Variants in NADK observed in about 807,000 individuals in gnomAD.
NADK encodes poly(P)/ATP NAD kinase.
Under a neutral mutation model 49.8 loss-of-function variants are expected in NADK, and 22 were observed. That is an observed-to-expected ratio of 0.44 (90% confidence interval 0.32 to 0.63). The LOEUF is 0.63. Among genes scored for constraint, NADK ranks in the 30% least tolerant of loss-of-function variants. The pLI, the probability that NADK is intolerant of heterozygous loss-of-function variation, is 0.06. For missense variants in NADK, 438 were observed against 609.4 expected (o/e 0.72, Z 2.96); for synonymous variants, 268 against 253.7 (o/e 1.06, Z -0.54).
intron 1 of NADK, among the ~76,000 whole-genome samples, chr1:1,777,275 G>C (rs1420015953): frequency 2.0e-5 from 3 of 152,182 alleles, no homozygotes; most frequent in African/African-American, 7.2e-5. Context: ...GAAGTTCCAA[G>C]GGGACAGGAA....
Position 1,765,350 on chromosome 1 carries a change from A to T in NADK, c.57T>A (p.Ala19=). 1.2e-6 allele frequency: 2 copies of T among 1,613,438 alleles called. No individual in the cohort carries two copies. The highest frequency in any genetic ancestry group is 1.7e-6 in the Non-Finnish European group (2 of 1,179,666). ...TMNKELSPDA[A]AYCCSACHGD... ...CGTGGCAGGCCGAGCAGCAGTAAGC[A>T]GCCGCGTCTGGACTCAATTCCTTAT... The change falls in exon 2 of 12, where the codon GCT becomes GCA. Residue 19 remains alanine (A), a synonymous_variant. Coordinates refer to ENST00000341426, the MANE Select transcript of NADK (RefSeq NM_023018.5).
chr1:1,759,264 C>A (rs1457330469), intron 3 of NADK: 6 of 1,553,526 alleles, frequency 3.9e-6, no homozygotes, highest in Non-Finnish European at 5.2e-6. Flanking sequence ...GGACACCAGC[C>A]CTTGCAGGCA....
intron 3 of NADK, among the ~76,000 whole-genome samples, chr1:1,760,385 G>A (rs576181120): frequency 6.6e-6 from 1 of 152,162 alleles, no homozygotes; most frequent in South Asian, 2.1e-4. Context: ...GCACGCTGCC[G>A]CGGGGCCCAC....
rs1326636292 is a variant in NADK, at chr1:1,751,750, CAG to C, written c.*1152_*1153del. On this transcript the variant is annotated 3_prime_UTR_variant, in exon 12 of 12. Coordinates refer to ENST00000341426, the MANE Select transcript of NADK (RefSeq NM_023018.5). The stretch of plus-strand genomic sequence containing the variant: ...TGAGGGCAACTTCGTGTGCAAAACT[CAG>C]AGAGCAGTTACTCAAAAAAAAGACA... The C allele has an allele frequency of 6.6e-5, 10 of 151,808 alleles. No homozygotes were observed. Among genetic ancestry groups the C allele is most frequent in the Non-Finnish European group, 1.2e-4 (8 of 68,120 alleles). 9.4% of individuals were successfully genotyped at this position (151,808 alleles called of 1,614,324 possible).
chr1:1,754,228 G>C lies in NADK; in HGVS notation c.944-20C>G. The stretch of plus-strand genomic sequence containing the variant: ...TCACTCCTGACAGGGACAGGCGCAG[G>C]CGTCACTCCCGCCCGAGGGACGCTC... On this transcript the variant is annotated intron_variant, in intron 9 of 11. Transcript: ENST00000341426. This position sits in a 1 kb window ranked among gnomAD's most constrained non-coding sequence, Gnocchi z 4.3. The C allele has an allele frequency of 6.2e-7, 1 of 1,613,070 alleles. No homozygotes were observed. The highest frequency in any genetic ancestry group is 8.5e-7 in the Non-Finnish European group (1 of 1,179,876).
chr1:1,773,347 C>G (rs569390840), intron 1 of NADK, among the ~76,000 whole-genome samples: 7 of 80,786 alleles, frequency 8.7e-5, no homozygotes, highest in African/African-American at 1.8e-4. Context: ...ACCATGTTGA[C>G]CAGGTTGGTC....
intron 1 of NADK, among the ~76,000 whole-genome samples, chr1:1,767,027 G>A (rs1457674119): frequency 6.6e-6 from 1 of 151,914 alleles, no homozygotes; most frequent in Non-Finnish European, 1.5e-5. Flanking sequence ...TGATTTTCCT[G>A]CTTCAGCCTC....
rs1645364732 is a variant in NADK, at chr1:1,752,761, G to A, written c.*143C>T. The A allele has an allele frequency of 3.1e-6, 3 of 965,518 alleles. No homozygotes were observed. The highest frequency in any genetic ancestry group is 1.7e-5 in the South Asian group (1 of 59,266). The allele number at this position is 965,518 out of a possible 1,614,324, so 59.8% of individuals were successfully genotyped here. The stretch of plus-strand genomic sequence containing the variant: ...AAAAAAACAGCTGATCTGGACAAAA[G>A]GCAGACCCAGGCTCTAACCCAGCTA... On this transcript the variant is annotated 3_prime_UTR_variant, in exon 12 of 12. Transcript: ENST00000341426.
chr1:1,752,750 T>G lies in NADK; in HGVS notation c.*154A>C. On this transcript the variant is annotated 3_prime_UTR_variant, in exon 12 of 12. Transcript: ENST00000341426. ...TCAGACATTTTAAAAAAACAGCTGATCTGGACAAAAGGCAGACCCAGGCTC... is the reference window on the plus strand; with the variant it reads ...TCAGACATTTTAAAAAAACAGCTGAGCTGGACAAAAGGCAGACCCAGGCTC... 1 of 846,188 alleles carries G rather than the reference T, an allele frequency of 1.2e-6. No homozygotes were observed. The highest frequency in any genetic ancestry group is 1.8e-6 in the Non-Finnish European group (1 of 552,780). The allele number at this position is 846,188 out of a possible 1,614,324, so 52.4% of individuals were successfully genotyped here.
chr1:1,766,889 C>A (rs1009545734), intron 1 of NADK, among the ~76,000 whole-genome samples: 7 of 151,720 alleles, frequency 4.6e-5, no homozygotes, highest in African/African-American at 7.3e-5. Context: ...GGATTATAGG[C>A]ATGAGCCACC....
At position 1,756,611 on chromosome 1, in the gene NADK, G is replaced by T; in HGVS notation, c.394-3C>A. 1 of 1,614,050 alleles carries T rather than the reference G, an allele frequency of 6.2e-7. No individual in the cohort carries two copies. Among genetic ancestry groups the T allele is most frequent in the Non-Finnish European group, 8.5e-7 (1 of 1,180,034 alleles). ...TCCACATACACGATCATGTTCTCCT[G>T]GAAGCAAAGTGCCAACCTGCTCATT... On this transcript the variant is annotated splice_polypyrimidine_tract_variant and splice_region_variant and intron_variant, in intron 4 of 11. Transcript: ENST00000341426.
chr1:1,760,177 T>C (rs886998163), intron 3 of NADK, among the ~76,000 whole-genome samples: 4 of 152,106 alleles, frequency 2.6e-5, no homozygotes, highest in African/African-American at 9.7e-5. Context: ...AATCTGCAGA[T>C]GGACTGGATG....
intron 1 of NADK, among the ~76,000 whole-genome samples, chr1:1,771,087 CACAT>C (rs1403190301): frequency 1.4e-5 from 2 of 145,864 alleles, no homozygotes; most frequent in Non-Finnish European, 3.0e-5. Flanking sequence ...CACACACACA[CACAT>C]ATATTATTAA....
Position 1,754,691 on chromosome 1 carries a change from T to G in NADK, c.696A>C (p.Ala232=). ...TCAGCCGACTCCGGAGAACAACAGC[T>G]GCGTTCCCTGAGGTCCAGCAGGAGT... is the stretch of plus-strand genomic sequence containing the variant. ...SQVTQVIEGN[A]AVVLRSRLKV... Residue 232 remains alanine, a synonymous_variant, in exon 8 of 12, where the codon GCA becomes GCC. Transcript: ENST00000341426. This position sits in a 1 kb window ranked among gnomAD's most constrained non-coding sequence, Gnocchi z 4.3. 1 of 1,611,054 alleles carries G rather than the reference T, an allele frequency of 6.2e-7. No individual in the cohort carries two copies. Among genetic ancestry groups the G allele is most frequent in the Non-Finnish European group, 8.5e-7 (1 of 1,178,656 alleles).
intron 4 of NADK, chr1:1,756,832 G>T (rs770591001): frequency 3.5e-5 from 31 of 874,648 alleles, no homozygotes; most frequent in Non-Finnish European, 5.8e-5. Context: ...GACTAAGGCT[G>T]TTATTTCAGG....
chr1:1,774,751 G>A (rs566851838), intron 1 of NADK, among the ~76,000 whole-genome samples: 1 of 152,284 alleles, frequency 6.6e-6, no homozygotes, highest in East Asian at 1.9e-4. Flanking sequence ...GCTTTAAAAG[G>A]ACACACAATG....
At chr1:1,767,944 G>A (rs990386905) in intron 1 of NADK, among the ~76,000 whole-genome samples, 32 of 151,874 alleles carry the variant, frequency 2.1e-4, no homozygotes, top group Non-Finnish European at 3.2e-4. Flanking sequence ...AGGCTGAGGC[G>A]GGCAGATCAT....
intron 1 of NADK, among the ~76,000 whole-genome samples, chr1:1,776,296 C>T (rs183661226): frequency 5.1e-4 from 77 of 152,314 alleles, no homozygotes; most frequent in African/African-American, 1.7e-3. Context: ...ACTTGGCCAA[C>T]TTTCTGGGAC....
intron 1 of NADK, among the ~76,000 whole-genome samples, chr1:1,766,087 G>T: frequency 6.6e-6 from 1 of 151,738 alleles, no homozygotes; most frequent in East Asian, 1.9e-4. Flanking sequence ...GGGCAACAAA[G>T]AACTCTTCTC....
Sources: allele counts gnomAD v4.1 joint callset (sites outside exome capture counted in the v4.1 genomes callset), GRCh38; gene constraint gnomAD v4.1.1; non-coding constraint Gnocchi (gnomAD v3.1); transcripts MANE v1.5; gene names NCBI Gene and HGNC (gene_info 2026-07-23, HGNC 2026-07-21).